COL6A6: variants seen among roughly 807,000 people sequenced by gnomAD.
COL6A6 encodes the protein collagen alpha-6(VI) chain.
A neutral mutation model predicts 208.6 loss-of-function variants in COL6A6; 183 were observed. That is an observed-to-expected ratio of 0.88 (90% CI 0.78 to 0.99). The LOEUF (loss-of-function observed/expected upper bound fraction) is 0.99. Ranked by LOEUF, COL6A6 falls within the 50% of genes least tolerant of loss-of-function variation. The pLI is 0.00. For synonymous variants in COL6A6, 973 were observed against 1,011.8 expected, an observed-to-expected ratio of 0.96 and a Z score of 0.73; for missense variants, 2,816 against 2,815.2, an observed-to-expected ratio of 1.00 and a Z score of -0.01.
chr3:130,584,856 C>T (rs1443980324), intron 10 of COL6A6, among the ~76,000 whole-genome samples: 3 of 152,146 alleles, frequency 2.0e-5, no homozygotes, highest in East Asian at 1.9e-4. Context: ...CCTTGTGATC[C>T]GCCTGCCTCG....
intron 36 of COL6A6, among the ~76,000 whole-genome samples, chr3:130,673,116 T>C (rs1467250111): frequency 1.4e-5 from 2 of 145,014 alleles, no homozygotes; most frequent in African/African-American, 5.2e-5. Flanking sequence ...GAGGCAGAGG[T>C]TGCAGTGAGC....
intron 33 of COL6A6, among the ~76,000 whole-genome samples, chr3:130,652,241 G>A (rs2065666618): frequency 6.6e-6 from 1 of 152,206 alleles, no homozygotes; most frequent in Non-Finnish European, 1.5e-5. Context: ...GGTATAGAAA[G>A]AACAAAAGTT....
At chr3:130,657,800 C>T (rs1248790804) in intron 33 of COL6A6, among the ~76,000 whole-genome samples, 8 of 152,150 alleles carry the variant, frequency 5.3e-5, no homozygotes, top group African/African-American at 1.9e-4. Context: ...GATGGGGGAT[C>T]TTCCCAGAGA....
chr3:130,612,490 G>A (rs983927101), intron 23 of COL6A6, among the ~76,000 whole-genome samples: 1 of 152,072 alleles, frequency 6.6e-6, no homozygotes, highest in Non-Finnish European at 1.5e-5. Flanking sequence ...TCTCACTGTG[G>A]TTTTGATTTT....
intron 1 of COL6A6, among the ~76,000 whole-genome samples, chr3:130,541,127 A>G (rs1298358034): frequency 6.6e-6 from 1 of 152,252 alleles, no homozygotes; most frequent in East Asian, 1.9e-4. Context: ...GGAAAAAAAC[A>G]ACCCCATTAA....
At chr3:130,652,127 C>T (rs2065663394) in intron 33 of COL6A6, among the ~76,000 whole-genome samples, 1 of 152,192 alleles carries the variant, frequency 6.6e-6, no homozygotes, top group South Asian at 2.1e-4. Flanking sequence ...GCGATAGGAA[C>T]AGTAACTGCT....
chr3:130,664,942 C>T (rs1047103536), intron 35 of COL6A6, 61 bp from the exon 36 acceptor site: 1 of 1,074,194 alleles, frequency 9.3e-7, no homozygotes, highest in Non-Finnish European at 1.4e-6. Flanking sequence ...GTGTACAGAG[C>T]AGATTGCAGT....
intron 18 of COL6A6, among the ~76,000 whole-genome samples, chr3:130,595,421 A>G (rs1437118595): frequency 6.6e-6 from 1 of 152,228 alleles, no homozygotes; most frequent in Admixed American, 6.5e-5. Flanking sequence ...CCACCAGGTA[A>G]AGAAATAGAA....
intron 1 of COL6A6, among the ~76,000 whole-genome samples, chr3:130,539,407 C>T (rs1004287238): frequency 1.3e-5 from 2 of 152,040 alleles, no homozygotes; most frequent in Non-Finnish European, 1.5e-5. Flanking sequence ...AGGCCGAGGC[C>T]GGTGGATCAA....
chr3:130,651,374 C>G (rs983093099), intron 33 of COL6A6, among the ~76,000 whole-genome samples: 1 of 140,344 alleles, frequency 7.1e-6, no homozygotes, highest in African/African-American at 2.7e-5. Context: ...TGCAGTGAGC[C>G]GAGATTGTGC....
chr3:130,664,945 A>AT (rs2066034840), intron 35 of COL6A6, 58 bp from the exon 36 acceptor site: 6 of 1,123,286 alleles, frequency 5.3e-6, no homozygotes, highest in Non-Finnish European at 7.9e-6. Flanking sequence ...TACAGAGCAG[A>AT]TTGCAGTAAT....
intron 8 of COL6A6, among the ~76,000 whole-genome samples, chr3:130,578,540 G>A (rs927894527): frequency 5.3e-5 from 8 of 152,156 alleles, no homozygotes; most frequent in South Asian, 2.1e-4. Context: ...TAACTGGTGC[G>A]TTGGTCATGC....
chr3:130,641,996 C>T (rs1418863072), intron 29 of COL6A6, among the ~76,000 whole-genome samples: 1 of 152,048 alleles, frequency 6.6e-6, no homozygotes, highest in Admixed American at 6.5e-5. Flanking sequence ...TCTGTTCAAT[C>T]TTTCTATATG....
chr3:130,661,947 T>C lies in COL6A6; in HGVS notation c.6141T>C (p.His2047=), dbSNP rs1345165594. 1.2e-5 allele frequency: 20 copies of C among 1,613,904 alleles called. No individual in the cohort carries two copies. The highest frequency in any genetic ancestry group is 1.6e-5 in the Non-Finnish European group (19 of 1,179,890). The change falls in exon 35 of 37, where the codon CAT becomes CAC. Residue 2047 remains histidine, a synonymous_variant. Transcript: ENST00000358511. ...GAAGTAAGCGCCTCATGAAGAGGCA[T>C]GTGCACGAGTCAGTTAAACAACTAA... The part of the protein sequence containing the change: ...TYRSKRLMKR[H]VHESVKQLNG...
intron 8 of COL6A6, among the ~76,000 whole-genome samples, chr3:130,579,386 G>T (rs931086686): frequency 5.3e-5 from 8 of 152,156 alleles, no homozygotes; most frequent in African/African-American, 9.7e-5. Flanking sequence ...GCCCAGAGAG[G>T]ATAAGAGTTG....
At chr3:130,589,042 T>A (rs1386063600) in intron 11 of COL6A6, 48 bp from the exon 12 acceptor site, 1 of 1,444,052 alleles carries the variant, frequency 6.9e-7, no homozygotes. Flanking sequence ...ATATGAGATT[T>A]GGGAAGCAAT....
In COL6A6 at chr3:130,574,204, AAC is replaced by A. The variant is rs2063238531; in HGVS notation, c.3234_3235del (p.Ile1079ArgfsTer63). The A allele has an allele frequency of 6.2e-7, 1 of 1,613,926 alleles. No individual in the cohort carries two copies. Among genetic ancestry groups the A allele is most frequent in the African/African-American group, 1.3e-5 (1 of 74,952 alleles). ...TGAAAACATCAAGCAGATCTTTGGA[AAC>A]ACACACATCGGTGCTGCACTCAGGG... ...QIENIKQIFG[N>X]THIGAALREV... On this transcript the variant is annotated frameshift_variant, in exon 8 of 37. Transcript: ENST00000358511. LOFTEE classifies it high-confidence loss of function.
Position 130,518,856 on chromosome 3 carries a change from G to A in COL6A6, c.-32+1459G>A, listed in dbSNP as rs113067823. Among the ~76,000 whole-genome samples the A allele has an allele frequency of 2.9e-3, 441 of 152,226 alleles. 1 individual carries two copies. Among genetic ancestry groups the A allele is most frequent in the Middle Eastern group, 0.01 (3 of 294 alleles). ...GAAAAAGAAGGAGAAAAAAAATACC[G>A]TGCCTCAAAAGAAGGTGTGTTTTGG... On this transcript the variant is annotated intron_variant, in intron 1 of 36. Coordinates refer to ENST00000358511, the MANE Select transcript of COL6A6 (RefSeq NM_001102608.3).
In COL6A6 at chr3:130,565,625, C is replaced by T; in HGVS notation, c.1282+11C>T. 6.3e-7 allele frequency: 1 copy of T among 1,597,412 alleles called. No homozygotes were observed. The highest frequency in any genetic ancestry group is 1.1e-5 in the South Asian group (1 of 88,296). On this transcript the variant is annotated intron_variant, in intron 4 of 36. Coordinates refer to ENST00000358511, the MANE Select transcript of COL6A6 (RefSeq NM_001102608.3). Reference sequence around the variant, plus strand: ...AAACGCTCAAATCTGGTAAGGTCTTCTGCTGAAAGAAGGGTTGTTTGGATT... The same window carrying T: ...AAACGCTCAAATCTGGTAAGGTCTTTTGCTGAAAGAAGGGTTGTTTGGATT...
Sources: allele counts gnomAD v4.1 joint callset (sites outside exome capture counted in the v4.1 genomes callset), GRCh38; gene constraint gnomAD v4.1.1; transcripts MANE v1.5; gene names NCBI Gene and HGNC (gene_info 2026-07-23, HGNC 2026-07-21).